Variants in XKR4 observed in about 807,000 individuals in gnomAD.
The protein encoded by XKR4 is XK related 4.
Under a neutral mutation model 53.9 loss-of-function variants are expected in XKR4, and 12 were observed. The ratio of observed to expected loss-of-function variants is 0.22; its 90% confidence interval spans 0.14 to 0.36. XKR4 has a LOEUF of 0.36. Ranked by LOEUF, XKR4 falls within the 10% of genes least tolerant of loss-of-function variation. XKR4 has a pLI of 1.00. For synonymous variants in XKR4, 354 were observed against 362.4 expected, an observed-to-expected ratio of 0.98 and a Z score of 0.26; for missense variants, 799 against 859.5, an observed-to-expected ratio of 0.93 and a Z score of 0.88.
chr8:55,466,897 T>G (rs551358026), intron 2 of XKR4, among the ~76,000 whole-genome samples: 1 of 152,192 alleles, frequency 6.6e-6, no homozygotes, highest in African/African-American at 2.4e-5. Context: ...CTAAGTTATT[T>G]GATTAAAAAA....
chr8:55,246,158 G>T (rs1020588838), intron 1 of XKR4, among the ~76,000 whole-genome samples: 1 of 152,060 alleles, frequency 6.6e-6, no homozygotes, highest in African/African-American at 2.4e-5. Flanking sequence ...TGCCTACTTT[G>T]TTTTTTGCTG....
intron 1 of XKR4, among the ~76,000 whole-genome samples, chr8:55,229,272 G>C (rs1370494152): frequency 1.3e-5 from 2 of 152,182 alleles, no homozygotes; most frequent in African/African-American, 4.8e-5. Flanking sequence ...CGGCACCTCA[G>C]ACCAATGCTC....
At chr8:55,386,159 C>T (rs1804310785) in intron 2 of XKR4, among the ~76,000 whole-genome samples, 1 of 152,194 alleles carries the variant, frequency 6.6e-6, no homozygotes, top group Admixed American at 6.5e-5. Flanking sequence ...TGATCTGAAA[C>T]ATCCATGATG....
intron 1 of XKR4, among the ~76,000 whole-genome samples, chr8:55,356,399 A>T (rs941395339): frequency 1.3e-5 from 2 of 152,206 alleles, no homozygotes; most frequent in Admixed American, 6.5e-5. Flanking sequence ...AATCATTAAA[A>T]TCAAGACAAA....
At chr8:55,288,211 A>T (rs1410466173) in intron 1 of XKR4, among the ~76,000 whole-genome samples, 1 of 152,212 alleles carries the variant, frequency 6.6e-6, no homozygotes. Flanking sequence ...CACCAAGGGG[A>T]CATTCAGTAT....
intron 1 of XKR4, among the ~76,000 whole-genome samples, chr8:55,304,496 G>A (rs908388038): frequency 6.6e-6 from 1 of 152,228 alleles, no homozygotes; most frequent in Non-Finnish European, 1.5e-5. Flanking sequence ...GGAGAGTTCT[G>A]TAGATGTCTT....
intron 1 of XKR4, among the ~76,000 whole-genome samples, chr8:55,311,789 T>C (rs1248243173): frequency 1.3e-5 from 1 of 79,432 alleles, no homozygotes; most frequent in African/African-American, 4.9e-5. Context: ...AGAAAAGTCA[T>C]ATAGAACCTA....
At chr8:55,495,530 G>GCAGCT (rs1806330132) in intron 2 of XKR4, among the ~76,000 whole-genome samples, 1 of 152,166 alleles carries the variant, frequency 6.6e-6, no homozygotes, top group South Asian at 2.1e-4. Flanking sequence ...ACATTGGCAC[G>GCAGCT]CAGCTCAGCC....
At position 55,529,495 on chromosome 8, in the gene XKR4, C is replaced by T. The variant is rs1435934377; in HGVS notation, c.*5268C>T. 2 of 152,210 alleles carry T rather than the reference C, an allele frequency of 1.3e-5. No homozygotes were observed. Among genetic ancestry groups the T allele is most frequent in the African/African-American group, 4.8e-5 (2 of 41,444 alleles). The allele number at this position is 152,210 out of a possible 1,614,324, so 9.4% of individuals were successfully genotyped here. A position where few individuals can be genotyped will look rare whatever the true frequency, so the allele number is the denominator to read the frequency against. ...CCACGATGGATGGTTTACTGCGCACCTAGTGCTGGACTAAGAGCTGTATCT... is the reference window on the plus strand; with the variant it reads ...CCACGATGGATGGTTTACTGCGCACTTAGTGCTGGACTAAGAGCTGTATCT... On this transcript the variant is annotated 3_prime_UTR_variant, in exon 3 of 3. Transcript: ENST00000327381.
chr8:55,490,066 C>A (rs1482870109), intron 2 of XKR4, among the ~76,000 whole-genome samples: 1 of 152,138 alleles, frequency 6.6e-6, no homozygotes, highest in Non-Finnish European at 1.5e-5. Context: ...TTTACCTAAT[C>A]TTTACCATTT....
At chr8:55,522,086 A>C (rs898903968) in intron 2 of XKR4, among the ~76,000 whole-genome samples, 5 of 152,326 alleles carry the variant, frequency 3.3e-5, no homozygotes, top group Middle Eastern at 3.4e-3. Flanking sequence ...GGAATTTCCC[A>C]TAAGAGCTCT....
At chr8:55,483,539 C>A (rs1806145916) in intron 2 of XKR4, among the ~76,000 whole-genome samples, 2 of 151,964 alleles carry the variant, frequency 1.3e-5, no homozygotes, top group African/African-American at 4.8e-5. Flanking sequence ...TCCCCTCACT[C>A]ATGGGTGATC....
intron 2 of XKR4, among the ~76,000 whole-genome samples, chr8:55,401,160 C>A (rs1005038916): frequency 6.6e-6 from 1 of 152,218 alleles, no homozygotes; most frequent in African/African-American, 2.4e-5. Context: ...TTTGGAACTG[C>A]AGACATTGGT....
rs530278557 is a variant in XKR4 at position 55,181,775 on chromosome 8, A to G, written c.806+78481A>G. 2.4e-4 allele frequency among the ~76,000 whole-genome samples: 36 copies of G among 152,284 alleles called. No individual in the cohort carries two copies. In the South Asian group the frequency reaches 7.5e-3, roughly 32 times the overall value. On this transcript the variant is annotated intron_variant, in intron 1 of 2. Transcript: ENST00000327381. ...TGACTTCATGAAGGTCAGCTGTAAAATACAGCTATGGAGCACCGAGAAGAT... is the reference window on the plus strand; with the variant it reads ...TGACTTCATGAAGGTCAGCTGTAAAGTACAGCTATGGAGCACCGAGAAGAT...
chr8:55,360,191 G>T (rs1803879823), intron 2 of XKR4, among the ~76,000 whole-genome samples: 1 of 152,198 alleles, frequency 6.6e-6, no homozygotes, highest in East Asian at 1.9e-4. Flanking sequence ...TGGGTAGATG[G>T]TTGTGTTACA....
At chr8:55,233,065 G>T (rs1485197076) in intron 1 of XKR4, among the ~76,000 whole-genome samples, 1 of 152,188 alleles carries the variant, frequency 6.6e-6, no homozygotes, top group Non-Finnish European at 1.5e-5. Context: ...CTGGATGACT[G>T]GTTTGAGGTC....
Position 55,284,981 on chromosome 8 carries a change from C to T in XKR4, c.807-72697C>T, listed in dbSNP as rs1291780912. 2.0e-5 allele frequency among the ~76,000 whole-genome samples: 3 copies of T among 152,214 alleles called. No individual in the cohort carries two copies. In the East Asian group the frequency reaches 5.8e-4, roughly 29 times the overall value. ...ACTCCTAAGTCACTGCAATCTCTCG[C>T]TTTGCTGCCCCAAACGCTCAGGCTC... On this transcript the variant is annotated intron_variant, in intron 1 of 2. Transcript: ENST00000327381.
chr8:55,288,001 C>T (rs963862663), intron 1 of XKR4, among the ~76,000 whole-genome samples: 2 of 152,176 alleles, frequency 1.3e-5, no homozygotes, highest in East Asian at 3.9e-4. Flanking sequence ...CATGGCCTGA[C>T]ACAAATTTGT....
At chr8:55,457,432 G>A (rs182488413) in intron 2 of XKR4, among the ~76,000 whole-genome samples, 8 of 152,300 alleles carry the variant, frequency 5.3e-5, no homozygotes, top group South Asian at 4.1e-4. Flanking sequence ...GTGAGCCACC[G>A]TGCCTGGCTT....
Sources: allele counts gnomAD v4.1 joint callset (sites outside exome capture counted in the v4.1 genomes callset), GRCh38; gene constraint gnomAD v4.1.1; transcripts MANE v1.5; gene names NCBI Gene and HGNC (gene_info 2026-07-23, HGNC 2026-07-21).